Variants in ADAMTS12 observed in about 807,000 individuals in gnomAD.
The protein encoded by ADAMTS12 is A disintegrin and metalloproteinase with thrombospondin motifs 12.
ADAMTS12 carries 118 observed loss-of-function variants against 167.8 expected under a neutral mutation model. The ratio of observed to expected loss-of-function variants is 0.70; its 90% CI spans 0.61 to 0.82. ADAMTS12 has a LOEUF of 0.82. ADAMTS12 is among the 40% of genes least tolerant of loss of function. ADAMTS12 has a pLI of 0.00. For synonymous variants in ADAMTS12, 704 were observed against 716.9 expected (o/e 0.98, Z 0.29); for missense variants, 1,916 against 1,998.8 (o/e 0.96, Z 0.79).
At chr5:33,707,073 A>C (rs761486785) in intron 3 of ADAMTS12, among the ~76,000 whole-genome samples, 2 of 152,202 alleles carry the variant, frequency 1.3e-5, no homozygotes, top group African/African-American at 2.4e-5. Flanking sequence ...TCAGCCCAAA[A>C]ACACCTTAAG....
chr5:33,556,529 C>T (rs1219327442), intron 20 of ADAMTS12, among the ~76,000 whole-genome samples: 1 of 152,208 alleles, frequency 6.6e-6, no homozygotes, highest in Non-Finnish European at 1.5e-5. Flanking sequence ...ATGTTTACAT[C>T]CTGTGTGACT....
intron 3 of ADAMTS12, among the ~76,000 whole-genome samples, chr5:33,711,497 A>G (rs996811143): frequency 6.6e-6 from 1 of 152,148 alleles, no homozygotes; most frequent in South Asian, 2.1e-4. Flanking sequence ...CTCACACCCC[A>G]GGGGACACAC....
At chr5:33,560,960 A>G (rs1425473628) in intron 20 of ADAMTS12, 67 bp downstream of exon 20, 88 of 1,565,418 alleles carry the variant, frequency 5.6e-5, no homozygotes, top group Non-Finnish European at 7.4e-5. Flanking sequence ...GTGTTTATAT[A>G]AGATTCCCTT....
intron 2 of ADAMTS12, among the ~76,000 whole-genome samples, chr5:33,790,899 C>T (rs1041636947): frequency 1.3e-5 from 2 of 151,610 alleles, no homozygotes; most frequent in Admixed American, 1.3e-4. Context: ...GTGCTGTGTT[C>T]TTCCTGTTGC....
At chr5:33,562,401 T>G (rs897191566) in intron 19 of ADAMTS12, among the ~76,000 whole-genome samples, 1 of 152,122 alleles carries the variant, frequency 6.6e-6, no homozygotes, top group Non-Finnish European at 1.5e-5. Flanking sequence ...TCACAAAATT[T>G]GTTCCCTTTT....
chr5:33,852,640 G>A (rs1451961530), intron 2 of ADAMTS12, among the ~76,000 whole-genome samples: 1 of 152,204 alleles, frequency 6.6e-6, no homozygotes, highest in African/African-American at 2.4e-5. Context: ...TGTGCAGTCT[G>A]CAAGTTAGAG....
At chr5:33,616,373 T>C (rs1739016478) in intron 14 of ADAMTS12, among the ~76,000 whole-genome samples, 2 of 152,364 alleles carry the variant, frequency 1.3e-5, no homozygotes, top group South Asian at 4.1e-4. Context: ...TCTGTAATTT[T>C]ATGTTGATAC....
chr5:33,638,090 A>G (rs990250403), intron 11 of ADAMTS12, among the ~76,000 whole-genome samples: 2 of 152,116 alleles, frequency 1.3e-5, no homozygotes, highest in African/African-American at 4.8e-5. Context: ...AGAATCATCC[A>G]TCTGTGCCTT....
chr5:33,880,925 C>G (rs576769280), intron 2 of ADAMTS12, 194 bp downstream of exon 2: 6 of 759,314 alleles, frequency 7.9e-6, no homozygotes, highest in East Asian at 2.8e-5. Context: ...TGCCCTTACT[C>G]TTTGTATCTC....
At chr5:33,790,515 T>C (rs1746490246) in intron 2 of ADAMTS12, among the ~76,000 whole-genome samples, 2 of 145,306 alleles carry the variant, frequency 1.4e-5, no homozygotes, top group Admixed American at 7.0e-5. Flanking sequence ...ATCGTGCCAC[T>C]GCACTCCTCC....
intron 3 of ADAMTS12, among the ~76,000 whole-genome samples, chr5:33,738,911 A>T (rs1293031419): frequency 6.6e-6 from 1 of 152,202 alleles, no homozygotes; most frequent in South Asian, 2.1e-4. Context: ...TCAATTTAGC[A>T]GTAGTAATTC....
chr5:33,780,035 C>T (rs941848860), intron 2 of ADAMTS12, among the ~76,000 whole-genome samples: 2 of 152,094 alleles, frequency 1.3e-5, no homozygotes, highest in African/African-American at 4.8e-5. Flanking sequence ...TGTGAATTAG[C>T]TTAAATATGG....
At chr5:33,617,141 C>T (rs992578403) in intron 14 of ADAMTS12, among the ~76,000 whole-genome samples, 5 of 152,070 alleles carry the variant, frequency 3.3e-5, no homozygotes, top group South Asian at 4.2e-4. Flanking sequence ...TGAATGATGA[C>T]GTCTGCGGTC....
chr5:33,628,131 T>C (rs1326059006), intron 13 of ADAMTS12, among the ~76,000 whole-genome samples: 1 of 152,072 alleles, frequency 6.6e-6, no homozygotes, highest in Non-Finnish European at 1.5e-5. Context: ...TGGTCTATTT[T>C]AGAAGGAAAT....
intron 22 of ADAMTS12, among the ~76,000 whole-genome samples, chr5:33,540,243 C>T (rs528892143): frequency 6.6e-6 from 1 of 152,122 alleles, no homozygotes; most frequent in Non-Finnish European, 1.5e-5. Flanking sequence ...GAGGTGACAA[C>T]CTAGCTGGGG....
At chr5:33,527,905 T>C (rs1743899449) in intron 23 of ADAMTS12, among the ~76,000 whole-genome samples, 1 of 152,156 alleles carries the variant, frequency 6.6e-6, no homozygotes, top group Admixed American at 6.5e-5. Context: ...TTGGCTGACC[T>C]ATAGATGCTC....
chr5:33,805,738 A>G (rs1747200426), intron 2 of ADAMTS12, among the ~76,000 whole-genome samples: 1 of 152,178 alleles, frequency 6.6e-6, no homozygotes, highest in Non-Finnish European at 1.5e-5. Flanking sequence ...TGTGAAGGAA[A>G]AAAGGGCTGG....
At chr5:33,598,032 C>T (rs561289225) in intron 16 of ADAMTS12, among the ~76,000 whole-genome samples, 112 of 152,206 alleles carry the variant, frequency 7.4e-4, no homozygotes, top group African/African-American at 2.6e-3. Flanking sequence ...ACATAAAATC[C>T]CCTTCGGAAA....
intron 13 of ADAMTS12, among the ~76,000 whole-genome samples, chr5:33,626,956 G>A (rs1045879223): frequency 2.6e-5 from 4 of 151,448 alleles, no homozygotes; most frequent in Non-Finnish European, 5.9e-5. Context: ...GCTGATGGTG[G>A]TGGTGGTTAT....
Sources: allele counts gnomAD v4.1 joint callset (sites outside exome capture counted in the v4.1 genomes callset), GRCh38; gene constraint gnomAD v4.1.1; transcripts MANE v1.5; gene names NCBI Gene and HGNC (gene_info 2026-07-23, HGNC 2026-07-21).